Variants in RANBP10 observed in about 807,000 individuals in gnomAD.
The protein encoded by RANBP10 is RAN binding protein 10.
Under a neutral mutation model 72.8 loss-of-function variants are expected in RANBP10, and 24 were observed. The ratio of observed to expected loss-of-function variants is 0.33; its 90% confidence interval spans 0.24 to 0.46. RANBP10 has a LOEUF of 0.46. RANBP10 is among the 20% of genes least tolerant of loss of function. The pLI is 1.00. For missense variants in RANBP10, 679 were observed against 817.5 expected, an observed-to-expected ratio of 0.83 and a Z score of 2.07; for synonymous variants, 310 against 322.3, an observed-to-expected ratio of 0.96 and a Z score of 0.41.
intron 2 of RANBP10, among the ~76,000 whole-genome samples, chr16:67,781,666 G>A (rs531748185): frequency 3.9e-5 from 6 of 152,298 alleles, no homozygotes; most frequent in East Asian, 1.9e-4. Context: ...CAAGCTCTTC[G>A]TGGCAGTGAG....
At chr16:67,786,192 G>A (rs910051463) in intron 2 of RANBP10, among the ~76,000 whole-genome samples, 7 of 151,766 alleles carry the variant, frequency 4.6e-5, no homozygotes, top group African/African-American at 1.7e-4. Context: ...AGCCAGTCAT[G>A]GTGGCATGCA....
At chr16:67,793,866 T>C (rs1276003772) in intron 2 of RANBP10, among the ~76,000 whole-genome samples, 2 of 152,012 alleles carry the variant, frequency 1.3e-5, no homozygotes, top group Admixed American at 6.6e-5. Context: ...TTTATTTTTA[T>C]TTTTTATTTT....
At chr16:67,744,098 T>A (rs2054021665) in intron 4 of RANBP10, 190 bp downstream of exon 4, 1 of 985,312 alleles carries the variant, frequency 1.0e-6, no homozygotes, top group Admixed American at 6.1e-5. Flanking sequence ...TAAACGCAGC[T>A]GACTGGCTGG....
intron 2 of RANBP10, among the ~76,000 whole-genome samples, chr16:67,778,931 A>C (rs939337595): frequency 2.0e-5 from 3 of 151,932 alleles, no homozygotes; most frequent in Non-Finnish European, 4.4e-5. Context: ...CATCTCTACA[A>C]AAAATATAAA....
rs370101060 is a variant in RANBP10, at chr16:67,806,282, C to G, written c.235+20G>C. The G allele has an allele frequency of 2.0e-5, 32 of 1,593,428 alleles. No homozygotes were observed. In the African/African-American group the frequency reaches 3.9e-4, roughly 19 times the overall value. ...ACGGACGCTCTAGCCTTAATTCCCC[C>G]CAGCCTGACGGGCCGATACCTTTGT... On this transcript the variant is annotated intron_variant, in intron 1 of 13. Coordinates refer to ENST00000317506, the MANE Select transcript of RANBP10 (RefSeq NM_020850.3).
At chr16:67,768,480 C>CT (rs1567698678) in intron 3 of RANBP10, among the ~76,000 whole-genome samples, 1 of 151,980 alleles carries the variant, frequency 6.6e-6, no homozygotes, top group Non-Finnish European at 1.5e-5. Flanking sequence ...GAGATCGTGC[C>CT]AGTTCACTAA....
intron 1 of RANBP10, among the ~76,000 whole-genome samples, 162 bp downstream of exon 1, chr16:67,806,140 C>T (rs886654609): frequency 6.6e-6 from 1 of 152,226 alleles, no homozygotes; most frequent in Non-Finnish European, 1.5e-5. Context: ...GGCAGTCAGC[C>T]CTCGGCCTGT....
At chr16:67,788,036 A>G (rs1292951547) in intron 2 of RANBP10, among the ~76,000 whole-genome samples, 1 of 152,062 alleles carries the variant, frequency 6.6e-6, no homozygotes, top group East Asian at 1.9e-4. Context: ...ACTGGGTTTC[A>G]CCATGTTGTC....
At chr16:67,748,181 G>A (rs532559543) in intron 3 of RANBP10, among the ~76,000 whole-genome samples, 1 of 151,958 alleles carries the variant, frequency 6.6e-6, no homozygotes, top group South Asian at 2.1e-4. Context: ...CTGGGACTGT[G>A]TTGACTCTCT....
chr16:67,773,369 T>C (rs1166774468), intron 2 of RANBP10, among the ~76,000 whole-genome samples: 2 of 152,228 alleles, frequency 1.3e-5, no homozygotes, highest in African/African-American at 2.4e-5. Context: ...CCTGTAGAAT[T>C]GTGAGCCAAT....
chr16:67,750,492 G>T (rs1487241573), intron 3 of RANBP10, among the ~76,000 whole-genome samples: 8 of 152,134 alleles, frequency 5.3e-5, no homozygotes. Context: ...GACTGTCCAT[G>T]CCCCCTCCCC....
intron 2 of RANBP10, among the ~76,000 whole-genome samples, chr16:67,791,106 C>T (rs530986417): frequency 6.6e-5 from 10 of 152,034 alleles, no homozygotes; most frequent in Non-Finnish European, 1.3e-4. Context: ...CTCTGCCTCC[C>T]GGGTTGAAGC....
At chr16:67,781,420 G>A (rs541884255) in intron 2 of RANBP10, among the ~76,000 whole-genome samples, 7 of 152,272 alleles carry the variant, frequency 4.6e-5, no homozygotes, top group African/African-American at 1.2e-4. Flanking sequence ...TTTTACTCCC[G>A]GAGCAGGTGA....
At position 67,744,316 on chromosome 16, in the gene RANBP10, G is replaced by A. The variant is rs760302732; in HGVS notation, c.540C>T (p.Cys180=). The A allele has an allele frequency of 5.6e-6, 9 of 1,614,134 alleles. No homozygotes were observed. The highest frequency in any genetic ancestry group is 5.1e-6 in the Non-Finnish European group (6 of 1,180,010). ...GGCTGTGGCCATTCTTGGTGTAGAA[G>A]CAGGTGCCATTGATGAGGTTGACAC... ...GCCVNLINGT[C]FYTKNGHSLG... The change falls in exon 4 of 14, where the codon TGC becomes TGT. Residue 180 remains cysteine (C), a synonymous_variant. Coordinates refer to ENST00000317506, the MANE Select transcript of RANBP10 (RefSeq NM_020850.3).
intron 2 of RANBP10, among the ~76,000 whole-genome samples, chr16:67,788,237 C>A (rs1325489001): frequency 2.6e-5 from 4 of 151,782 alleles, no homozygotes; most frequent in African/African-American, 9.7e-5. Flanking sequence ...GCCTGTAGAG[C>A]CACGCCTGGC....
chr16:67,736,397 G>A (rs1453607778), intron 5 of RANBP10, among the ~76,000 whole-genome samples: 2 of 152,180 alleles, frequency 1.3e-5, no homozygotes, highest in Non-Finnish European at 2.9e-5. Flanking sequence ...CCAACCTCAG[G>A]TGATCTGCCC....
At chr16:67,737,106 T>C (rs1340725152) in intron 5 of RANBP10, among the ~76,000 whole-genome samples, 3 of 149,890 alleles carry the variant, frequency 2.0e-5, no homozygotes, top group Non-Finnish European at 4.4e-5. Flanking sequence ...GGTGAGGATA[T>C]GCCCTGAACT....
intron 3 of RANBP10, among the ~76,000 whole-genome samples, chr16:67,753,910 G>A (rs186820097): frequency 7.2e-5 from 11 of 152,198 alleles, no homozygotes; most frequent in Admixed American, 6.5e-4. Flanking sequence ...TGAGGCAGGC[G>A]GATCATGAGG....
Position 67,730,109 on chromosome 16 carries a change from T to A in RANBP10, c.890-63A>T. On this transcript the variant is annotated intron_variant, in intron 7 of 13. Transcript: ENST00000317506. The surrounding 1 kb of genome is among the most constrained non-coding windows in gnomAD (Gnocchi z 4.3). ...CAGGCCTCTCCCACAGCCACACACC[T>A]GGGATGCTGCCAGCCTCAGGGTAGG... 1 of 1,477,942 alleles carries A rather than the reference T, an allele frequency of 6.8e-7. No individual in the cohort carries two copies. Among genetic ancestry groups the A allele is most frequent in the Admixed American group, 1.7e-5 (1 of 58,316 alleles). 91.6% of individuals were successfully genotyped at this position (1,477,942 alleles called of 1,614,324 possible). A position where few individuals can be genotyped will look rare whatever the true frequency, so the allele number is the denominator to read the frequency against.
Sources: allele counts gnomAD v4.1 joint callset (sites outside exome capture counted in the v4.1 genomes callset), GRCh38; gene constraint gnomAD v4.1.1; non-coding constraint Gnocchi (gnomAD v3.1); transcripts MANE v1.5; gene names NCBI Gene and HGNC (gene_info 2026-07-23, HGNC 2026-07-21).